Variants in ATP2B1 observed in about 807,000 individuals in gnomAD.
The protein encoded by ATP2B1 is plasma membrane calcium-transporting ATPase 1.
ATP2B1 carries 14 observed loss-of-function variants against 124.2 expected under a neutral mutation model. That is an observed-to-expected ratio of 0.11 (90% CI 0.07 to 0.18). The LOEUF (loss-of-function observed/expected upper bound fraction) is 0.18. Ranked by LOEUF, ATP2B1 falls within the 10% of genes least tolerant of loss-of-function variation. ATP2B1 has a pLI of 1.00. For missense variants in ATP2B1, 763 were observed against 1,466.1 expected (o/e 0.52, Z 7.83); for synonymous variants, 449 against 492.4 (o/e 0.91, Z 1.17).
chr12:89,607,744 T>C (rs1229617576), intron 15 of ATP2B1, among the ~76,000 whole-genome samples: 1 of 152,170 alleles, frequency 6.6e-6, no homozygotes, highest in Non-Finnish European at 1.5e-5. Context: ...ACTTGCTATG[T>C]AGATAATTGT....
At chr12:89,668,108 T>C (rs1887526838) in intron 1 of ATP2B1, among the ~76,000 whole-genome samples, 2 of 152,130 alleles carry the variant, frequency 1.3e-5, no homozygotes, top group African/African-American at 2.4e-5. Flanking sequence ...TAGTTTAATA[T>C]AGCTGAACAC....
intron 1 of ATP2B1, among the ~76,000 whole-genome samples, chr12:89,695,245 T>A (rs1025707601): frequency 6.6e-6 from 1 of 151,910 alleles, no homozygotes; most frequent in African/African-American, 2.4e-5. Context: ...GTGCACACAC[T>A]TACACTGGTT....
rs1883640578 is a variant in ATP2B1, at chr12:89,642,149, T to C, written c.406+9A>G. ...ATCAGACATGTCTTTTTTCCCCCCA[T>C]TTACTTACGTGCATTATCCCCTTCT... On this transcript the variant is annotated intron_variant, in intron 3 of 20. Transcript: ENST00000428670. The C allele has an allele frequency of 6.2e-7, 1 of 1,603,334 alleles. No homozygotes were observed.
At chr12:89,707,408 AT>A (rs1157223635) in intron 1 of ATP2B1, among the ~76,000 whole-genome samples, 1 of 152,228 alleles carries the variant, frequency 6.6e-6, no homozygotes, top group Non-Finnish European at 1.5e-5. Context: ...AAAGGCTTCC[AT>A]GTTGACAGGC....
At chr12:89,601,206 CTCTT>C (rs1336680892) in intron 19 of ATP2B1, 116 bp downstream of exon 19, 1 of 711,924 alleles carries the variant, frequency 1.4e-6, no homozygotes, top group Admixed American at 3.0e-5. Flanking sequence ...TGAATGCCCT[CTCTT>C]TACTCACCAC....
intron 20 of ATP2B1, 114 bp from the exon 21 acceptor site, chr12:89,591,409 T>A (rs572703815): frequency 1.8e-3 from 1,581 of 886,860 alleles, no homozygotes; most frequent in Non-Finnish European, 2.3e-3. Flanking sequence ...CATATTTGCA[T>A]GTAATGCAGT....
intron 1 of ATP2B1, among the ~76,000 whole-genome samples, chr12:89,674,360 C>CAA (rs1215129032): frequency 4.4e-4 from 31 of 71,010 alleles, no homozygotes; most frequent in African/African-American, 1.3e-3. Context: ...TTAGAATTGG[C>CAA]AAAAAAAAAA....
At chr12:89,608,828 A>C (rs1233053351) in intron 15 of ATP2B1, among the ~76,000 whole-genome samples, 1 of 152,204 alleles carries the variant, frequency 6.6e-6, no homozygotes, top group Non-Finnish European at 1.5e-5. Flanking sequence ...CAAAAGGAAG[A>C]GCACTTAATT....
In ATP2B1 at chr12:89,645,201, C is replaced by G. The variant is rs116977872; in HGVS notation, c.209-2846G>C. On this transcript the variant is annotated intron_variant, in intron 2 of 20. Transcript: ENST00000428670. ...CACAGTTCATAAATCATAAACAGGGCAACTCTTAAGTTAAATAAGTGGAAC... is the reference window on the plus strand; with the variant it reads ...CACAGTTCATAAATCATAAACAGGGGAACTCTTAAGTTAAATAAGTGGAAC... 2.2e-3 allele frequency among the ~76,000 whole-genome samples: 332 copies of G among 152,232 alleles called. 6 individuals are homozygous for G. The East Asian group carries it at 0.05, about 23-fold the overall frequency.
intron 1 of ATP2B1, among the ~76,000 whole-genome samples, chr12:89,684,452 AGC>A (rs1213348216): frequency 1.3e-5 from 2 of 152,186 alleles, no homozygotes; most frequent in African/African-American, 4.8e-5. Flanking sequence ...CTGGAAGTGG[AGC>A]TATCAGTATG....
chr12:89,708,751 G>C lies in ATP2B1; in HGVS notation c.-377C>G, dbSNP rs948216954. On this transcript the variant is annotated 5_prime_UTR_variant, in exon 1 of 21. Coordinates refer to ENST00000428670, the MANE Select transcript of ATP2B1 (RefSeq NM_001366521.1). The stretch of plus-strand genomic sequence containing the variant: ...CGCAGGGCTCGGGGCGCCACGCGGA[G>C]GTGCAGCTGCACCTCGGGGATGGGG... 1.3e-5 allele frequency: 2 copies of C among 152,040 alleles called. No homozygotes were observed. The highest frequency in any genetic ancestry group is 2.9e-5 in the Non-Finnish European group (2 of 68,004). 9.4% of individuals were successfully genotyped at this position (152,040 alleles called of 1,614,324 possible). A position where few individuals can be genotyped will look rare whatever the true frequency, so the allele number is the denominator to read the frequency against.
chr12:89,610,119 C>T (rs79992276), intron 14 of ATP2B1, 76 bp from the exon 15 acceptor site: 15 of 1,332,190 alleles, frequency 1.1e-5, no homozygotes, highest in Middle Eastern at 1.9e-4. Flanking sequence ...ATCCTGACGT[C>T]GGTTTTATAG....
intron 1 of ATP2B1, among the ~76,000 whole-genome samples, chr12:89,691,459 T>C (rs563030209): frequency 2.6e-5 from 4 of 152,178 alleles, no homozygotes; most frequent in African/African-American, 9.7e-5. Flanking sequence ...TTATAAGATA[T>C]TTGCCATAAG....
chr12:89,634,754 C>A lies in ATP2B1; in HGVS notation c.787+24G>T. ...CATAGTTGCGAAAGAGGAAAGTGTTCAAAGATATAAATGAAATTTTTACCT... is the reference window on the plus strand; with the variant it reads ...CATAGTTGCGAAAGAGGAAAGTGTTAAAAGATATAAATGAAATTTTTACCT... On this transcript the variant is annotated intron_variant, in intron 5 of 20. Transcript: ENST00000428670. 5 of 1,559,544 alleles carry A rather than the reference C, an allele frequency of 3.2e-6. No homozygotes were observed. In the South Asian group the frequency reaches 6.0e-5, roughly 19 times the overall value.
chr12:89,684,823 T>C (rs945949681), intron 1 of ATP2B1, among the ~76,000 whole-genome samples: 1 of 152,146 alleles, frequency 6.6e-6, no homozygotes, highest in African/African-American at 2.4e-5. Context: ...AGGACCCCCA[T>C]GTCTCATTTT....
At chr12:89,646,627 A>C (rs1884486012) in intron 2 of ATP2B1, among the ~76,000 whole-genome samples, 1 of 152,240 alleles carries the variant, frequency 6.6e-6, no homozygotes, top group Admixed American at 6.5e-5. Flanking sequence ...AGAATGGAAC[A>C]CTTTCTTTCA....
Position 89,630,649 on chromosome 12 carries a change from T to C in ATP2B1, c.788-4A>G. On this transcript the variant is annotated splice_polypyrimidine_tract_variant and splice_region_variant and intron_variant, in intron 5 of 20. Transcript: ENST00000428670. ...GAGCCTTCCATTACATGAGTACCTA[T>C]AACCAAAAACATAGTTTGTTTTTAA... 6.7e-7 allele frequency: 1 copy of C among 1,488,638 alleles called. No homozygotes were observed. The allele number at this position is 1,488,638 out of a possible 1,614,324, so 92.2% of individuals were successfully genotyped here.
chr12:89,621,404 A>T, intron 10 of ATP2B1, 145 bp downstream of exon 10: 4 of 578,252 alleles, frequency 6.9e-6, no homozygotes, highest in Non-Finnish European at 2.6e-6. Context: ...ACACAAATTT[A>T]AAAACCATTA....
chr12:89,675,528 G>A (rs765001680), intron 1 of ATP2B1, among the ~76,000 whole-genome samples: 42 of 152,032 alleles, frequency 2.8e-4, no homozygotes, highest in Admixed American at 1.5e-3. Context: ...CTAAGTATGC[G>A]GTCGAACACA....
Sources: allele counts gnomAD v4.1 joint callset (sites outside exome capture counted in the v4.1 genomes callset), GRCh38; gene constraint gnomAD v4.1.1; transcripts MANE v1.5; gene names NCBI Gene and HGNC (gene_info 2026-07-23, HGNC 2026-07-21).